The following DGUOK variants were observed in gnomAD, a reference collection of about 807,000 sequenced individuals.
DGUOK encodes the protein deoxyguanosine kinase, mitochondrial.
Under a neutral mutation model 36.6 loss-of-function variants are expected in DGUOK, and 30 were observed. The ratio of observed to expected loss-of-function variants is 0.82; its 90% CI spans 0.61 to 1.11. DGUOK has a LOEUF of 1.11. Among genes scored for constraint, DGUOK ranks in the 50% most tolerant of loss-of-function variants. DGUOK has a pLI of 0.00. For synonymous variants in DGUOK, 145 were observed against 126.3 expected (o/e 1.15, Z -0.99); for missense variants, 361 against 336.4 (o/e 1.07, Z -0.57).
chr2:73,933,950 A>G (rs1286185254), intron 1 of DGUOK, among the ~76,000 whole-genome samples: 3 of 152,194 alleles, frequency 2.0e-5, no homozygotes, highest in African/African-American at 4.8e-5. Flanking sequence ...GACATTAGAC[A>G]GTTTTATATG....
Position 73,958,354 on chromosome 2 carries a change from A to T in DGUOK, c.807+109A>T, listed in dbSNP as rs1449493038. On this transcript the variant is annotated intron_variant, in intron 6 of 6. Coordinates refer to ENST00000264093, the MANE Select transcript of DGUOK (RefSeq NM_080916.3). ...TCATGGGTCTTGTGCTTTGCATCTC[A>T]CATTGCATTTCACACTCCAAGGCCT... The T allele has an allele frequency of 3.6e-6, 3 of 840,672 alleles. No homozygotes were observed. In the African/African-American group the frequency reaches 5.0e-5, roughly 14 times the overall value. 52.1% of individuals were successfully genotyped at this position (840,672 alleles called of 1,614,324 possible). A position where few individuals can be genotyped will look rare whatever the true frequency, so the allele number is the denominator to read the frequency against.
intron 2 of DGUOK, among the ~76,000 whole-genome samples, chr2:73,946,490 C>T (rs1487686702): frequency 6.6e-6 from 1 of 152,090 alleles, no homozygotes; most frequent in Non-Finnish European, 1.5e-5. Flanking sequence ...ATGTCATCTC[C>T]CTTTAGAGAG....
At chr2:73,940,091 A>G (rs562733085) in intron 2 of DGUOK, among the ~76,000 whole-genome samples, 1 of 152,170 alleles carries the variant, frequency 6.6e-6, no homozygotes, top group Non-Finnish European at 1.5e-5. Context: ...TAGTAGAGAC[A>G]GGGTTTCGCC....
chr2:73,953,752 T>G (rs6546879), intron 4 of DGUOK, among the ~76,000 whole-genome samples: 2 of 136,324 alleles, frequency 1.5e-5, no homozygotes, highest in African/African-American at 5.5e-5. Context: ...GAGACAGAGT[T>G]TTGCTCTGTT....
intron 2 of DGUOK, among the ~76,000 whole-genome samples, chr2:73,945,985 C>T (rs1023878157): frequency 5.4e-5 from 8 of 147,576 alleles, no homozygotes; most frequent in East Asian, 2.0e-4. Context: ...TGCAGTGAGC[C>T]GGGAGGTTGC....
intron 3 of DGUOK, among the ~76,000 whole-genome samples, chr2:73,948,650 A>G (rs1259204546): frequency 6.6e-6 from 1 of 152,250 alleles, no homozygotes; most frequent in East Asian, 1.9e-4. Flanking sequence ...GGAGGAACAC[A>G]GGTTATCTGG....
chr2:73,935,733 T>C (rs1337875946), intron 1 of DGUOK, among the ~76,000 whole-genome samples: 1 of 152,234 alleles, frequency 6.6e-6, no homozygotes, highest in Non-Finnish European at 1.5e-5. Context: ...TTACTGTCAT[T>C]GTATGCTGAA....
At chr2:73,943,349 A>T (rs1682043771) in intron 2 of DGUOK, among the ~76,000 whole-genome samples, 1 of 144,168 alleles carries the variant, frequency 6.9e-6, no homozygotes, top group East Asian at 2.0e-4. Context: ...TTTTGTAGAG[A>T]TAGGGTCTCA....
intron 1 of DGUOK, among the ~76,000 whole-genome samples, chr2:73,928,865 T>C (rs1198412338): frequency 1.3e-5 from 2 of 152,214 alleles, no homozygotes; most frequent in Non-Finnish European, 2.9e-5. Context: ...TGAGACGTGA[T>C]TGGATTCTAG....
At chr2:73,954,998 A>G (rs187795684) in intron 4 of DGUOK, among the ~76,000 whole-genome samples, 14 of 152,332 alleles carry the variant, frequency 9.2e-5, no homozygotes, top group African/African-American at 3.4e-4. Flanking sequence ...AGTTATGCCA[A>G]ATGCTCATAG....
intron 3 of DGUOK, among the ~76,000 whole-genome samples, chr2:73,948,779 C>T (rs775477276): frequency 1.3e-5 from 2 of 152,180 alleles, no homozygotes; most frequent in South Asian, 4.1e-4. Context: ...CTGTTCTGTC[C>T]TGCAGCCCCT....
chr2:73,942,378 G>T (rs1681968637), intron 2 of DGUOK, among the ~76,000 whole-genome samples: 1 of 151,904 alleles, frequency 6.6e-6, no homozygotes. Flanking sequence ...TGCTTTTATG[G>T]TTTTATGTTT....
chr2:73,957,279 T>C, intron 5 of DGUOK, 39 bp downstream of exon 5: 1 of 1,524,044 alleles, frequency 6.6e-7, no homozygotes, highest in Non-Finnish European at 9.1e-7. Flanking sequence ...GACAGAGACC[T>C]GGCTCCCAAC....
chr2:73,931,618 T>C (rs774292517), intron 1 of DGUOK, among the ~76,000 whole-genome samples: 1 of 152,182 alleles, frequency 6.6e-6, no homozygotes, highest in Non-Finnish European at 1.5e-5. Flanking sequence ...TTGAAGCCAG[T>C]GTGTGCCATG....
intron 4 of DGUOK, among the ~76,000 whole-genome samples, chr2:73,953,699 T>C (rs944918633): frequency 4.4e-4 from 65 of 147,760 alleles, no homozygotes; most frequent in Non-Finnish European, 8.4e-4. Context: ...TGCTCCTTTC[T>C]ACCTATTCTT....
intron 4 of DGUOK, among the ~76,000 whole-genome samples, chr2:73,954,819 A>C (rs1356354333): frequency 6.6e-6 from 1 of 152,214 alleles, no homozygotes; most frequent in African/African-American, 2.4e-5. Flanking sequence ...CAGGTTAAGA[A>C]GACCAGTAAA....
At chr2:73,931,941 G>T (rs1681071217) in intron 1 of DGUOK, among the ~76,000 whole-genome samples, 1 of 152,126 alleles carries the variant, frequency 6.6e-6, no homozygotes, top group Non-Finnish European at 1.5e-5. Context: ...GTAGGAGGAG[G>T]AGTAGAGGAG....
rs1243104770 is a variant in DGUOK at position 73,958,186 on chromosome 2, T to C, written c.748T>C (p.Leu250=). ...EALMNIPVLV[L]DVNDDFSEEV... ...TCTGATGAACATTCCAGTGCTGGTGTTGGATGTCAATGATGATTTTTCTGA... is the reference window on the plus strand; with the variant it reads ...TCTGATGAACATTCCAGTGCTGGTGCTGGATGTCAATGATGATTTTTCTGA... Residue 250 remains leucine, a synonymous_variant, in exon 6 of 7, where the codon TTG becomes CTG. Coordinates refer to ENST00000264093, the MANE Select transcript of DGUOK (RefSeq NM_080916.3). 6.2e-7 allele frequency: 1 copy of C among 1,613,852 alleles called. No individual in the cohort carries two copies. The highest frequency in any genetic ancestry group is 1.7e-5 in the Admixed American group (1 of 60,004).
intron 4 of DGUOK, among the ~76,000 whole-genome samples, chr2:73,956,823 C>T (rs922016077): frequency 1.3e-5 from 2 of 152,138 alleles, no homozygotes; most frequent in African/African-American, 4.8e-5. Flanking sequence ...AGTGACTTCC[C>T]AGATATAGTA....
Sources: allele counts gnomAD v4.1 joint callset (sites outside exome capture counted in the v4.1 genomes callset), GRCh38; gene constraint gnomAD v4.1.1; transcripts MANE v1.5; gene names NCBI Gene and HGNC (gene_info 2026-07-23, HGNC 2026-07-21).